ACBD7: variants seen among roughly 807,000 people sequenced by gnomAD.
The protein encoded by ACBD7 is acyl-CoA binding domain containing 7.
ACBD7 carries 11 observed loss-of-function variants against 13.7 expected under a neutral mutation model. That is an observed-to-expected ratio of 0.80 (90% CI 0.50 to 1.33). ACBD7 has a LOEUF of 1.33. Ranked by LOEUF, ACBD7 falls within the 40% of genes most tolerant of loss-of-function variation. The pLI, the probability that ACBD7 is intolerant of heterozygous loss-of-function variation, is 0.00. For missense variants in ACBD7, 111 were observed against 103.0 expected, an observed-to-expected ratio of 1.08 and a Z score of -0.33; for synonymous variants, 43 against 37.7, an observed-to-expected ratio of 1.14 and a Z score of -0.51.
rs1844690346 is a variant in ACBD7 at position 15,077,059 on chromosome 10, A to G, written c.*1471T>C. 1 of 413,346 alleles carries G rather than the reference A, an allele frequency of 2.4e-6. No individual in the cohort carries two copies. Among genetic ancestry groups the G allele is most frequent in the Admixed American group, 6.4e-5 (1 of 15,574 alleles). The allele number at this position is 413,346 out of a possible 1,614,324, so 25.6% of individuals were successfully genotyped here. ...TCATGGAACTAAAAATAGAACTACCATTCTACCCAGCAATCCCACTACTGG... is the reference window on the plus strand; with the variant it reads ...TCATGGAACTAAAAATAGAACTACCGTTCTACCCAGCAATCCCACTACTGG... On this transcript the variant is annotated 3_prime_UTR_variant, in exon 4 of 4. Coordinates refer to ENST00000356189, the MANE Select transcript of ACBD7 (RefSeq NM_001039844.3).
In ACBD7 at chr10:15,079,026, C is replaced by G. The variant is rs1450424017; in HGVS notation, c.27G>C (p.Arg9Ser). MALQADFD[R>S]AAEDVRKLKA... ...TCAGCTTCCTCACATCTTCTGCAGC[C>G]CTGTCAAAATCAGCCTAAAGGAAGA... Residue 9 changes from arginine to serine, a missense_variant, in exon 2 of 4, where the codon AGG (arginine) becomes AGC (serine). Arg to Ser is a moderately radical substitution (Grantham distance 110, BLOSUM62 -1). Transcript: ENST00000356189. 4 of 1,607,348 alleles carry G rather than the reference C, an allele frequency of 2.5e-6. No individual in the cohort carries two copies. In the East Asian group the frequency reaches 9.0e-5, roughly 36 times the overall value.
rs1844697456 is a variant in ACBD7, at chr10:15,077,542, C to T, written c.*988G>A. ...ATGTACAGTATTTTGGTGATGGTTA[C>T]ACTAAAAGCCCAGATTTCCCCACTA... is the stretch of plus-strand genomic sequence containing the variant. On this transcript the variant is annotated 3_prime_UTR_variant, in exon 4 of 4. Coordinates refer to ENST00000356189, the MANE Select transcript of ACBD7 (RefSeq NM_001039844.3). 6.6e-6 allele frequency: 1 copy of T among 151,984 alleles called. No individual in the cohort carries two copies. Among genetic ancestry groups the T allele is most frequent in the African/African-American group, 2.4e-5 (1 of 41,372 alleles). 9.4% of individuals were successfully genotyped at this position (151,984 alleles called of 1,614,324 possible). A position where few individuals can be genotyped will look rare whatever the true frequency, so the allele number is the denominator to read the frequency against.
Position 15,076,223 on chromosome 10 carries a change from C to G in ACBD7, c.*2307G>C. On this transcript the variant is annotated 3_prime_UTR_variant, in exon 4 of 4. Transcript: ENST00000356189. ...TTGGGGGATATTTATCTTAAGGGAT[C>G]TCAAACAATTTTTTGAATTGTTAAC... 1.0e-6 allele frequency: 1 copy of G among 985,222 alleles called. No individual in the cohort carries two copies. Among genetic ancestry groups the G allele is most frequent in the Non-Finnish European group, 1.2e-6 (1 of 829,906 alleles). 61.0% of individuals were successfully genotyped at this position (985,222 alleles called of 1,614,324 possible).
At position 15,076,379 on chromosome 10, in the gene ACBD7, A is replaced by G; in HGVS notation, c.*2151T>C. 1.0e-6 allele frequency: 1 copy of G among 985,252 alleles called. No homozygotes were observed. Among genetic ancestry groups the G allele is most frequent in the Non-Finnish European group, 1.2e-6 (1 of 829,788 alleles). 61.0% of individuals were successfully genotyped at this position (985,252 alleles called of 1,614,324 possible). A position where few individuals can be genotyped will look rare whatever the true frequency, so the allele number is the denominator to read the frequency against. ...ATGGGGTACAGTAGTGGTACAGTTT[A>G]TCACTAGATACATTTTAGTTTGCCT... On this transcript the variant is annotated 3_prime_UTR_variant, in exon 4 of 4. Transcript: ENST00000356189.
rs779171936 is a variant in ACBD7 at position 15,078,603 on chromosome 10, C to T, written c.194G>A (p.Gly65Glu). Residue 65 changes from glycine (G) to glutamate (E), a missense_variant and splice_region_variant, in exon 4 of 4, where the codon GGG becomes GAG. Coordinates refer to ENST00000356189, the MANE Select transcript of ACBD7 (RefSeq NM_001039844.3). ...ACTCGTCGCATCTTCCGTCGACAACCCTAGAAAGATACAAACAGGTTATCT... is the reference window on the plus strand; with the variant it reads ...ACTCGTCGCATCTTCCGTCGACAACTCTAGAAAGATACAAACAGGTTATCT... ...AKWEAWNLKK[G>E]LSTEDATSAY... 1.4e-4 allele frequency: 220 copies of T among 1,613,918 alleles called. No individual in the cohort carries two copies. Among genetic ancestry groups the T allele is most frequent in the Non-Finnish European group, 1.8e-4 (213 of 1,180,018 alleles).
chr10:15,078,690 C>G lies in ACBD7; in HGVS notation c.193+1G>C. On this transcript the variant is annotated splice_donor_variant, in intron 3 of 3. Coordinates refer to ENST00000356189, the MANE Select transcript of ACBD7 (RefSeq NM_001039844.3). LOFTEE classifies it high-confidence loss of function. The stretch of plus-strand genomic sequence containing the variant: ...TTTAAACTTGTGAAAGACTAAAAAA[C>G]CTTTTTTGAGGTTCCATGCTTCCCA... The G allele has an allele frequency of 6.2e-7, 1 of 1,614,034 alleles. No homozygotes were observed. Among genetic ancestry groups the G allele is most frequent in the Non-Finnish European group, 8.5e-7 (1 of 1,180,000 alleles).
rs2131391809 is a variant in ACBD7 at position 15,078,099 on chromosome 10, C to T, written c.*431G>A. 5.6e-6 allele frequency: 1 copy of T among 178,146 alleles called. No individual in the cohort carries two copies. Among genetic ancestry groups the T allele is most frequent in the Non-Finnish European group, 1.2e-5 (1 of 83,428 alleles). The allele number at this position is 178,146 out of a possible 1,614,324, so 11.0% of individuals were successfully genotyped here. The stretch of plus-strand genomic sequence containing the variant: ...CCTAATGTTATCCCTCCCCTAACCC[C>T]CTAGTCCCCGACAGGCCCCAGTGTG... On this transcript the variant is annotated 3_prime_UTR_variant, in exon 4 of 4. Coordinates refer to ENST00000356189, the MANE Select transcript of ACBD7 (RefSeq NM_001039844.3).
chr10:15,080,012 C>T (rs550409382), intron 1 of ACBD7, among the ~76,000 whole-genome samples: 5 of 151,860 alleles, frequency 3.3e-5, no homozygotes, highest in African/African-American at 1.2e-4. Context: ...TTAATACCAT[C>T]GTCTAGGGCG....
At position 15,077,490 on chromosome 10, in the gene ACBD7, G is replaced by C. The variant is rs1844696843; in HGVS notation, c.*1040C>G. On this transcript the variant is annotated 3_prime_UTR_variant, in exon 4 of 4. Coordinates refer to ENST00000356189, the MANE Select transcript of ACBD7 (RefSeq NM_001039844.3). ...GGCTTGGAAAGGTGGGAGGGGGTGA[G>C]GGATGAGCAATTACCTTTTGGGTAC... 6.6e-6 allele frequency: 1 copy of C among 152,148 alleles called. No homozygotes were observed. Among genetic ancestry groups the C allele is most frequent in the African/African-American group, 2.4e-5 (1 of 41,422 alleles). The allele number at this position is 152,148 out of a possible 1,614,324, so 9.4% of individuals were successfully genotyped here. A position where few individuals can be genotyped will look rare whatever the true frequency, so the allele number is the denominator to read the frequency against.
At chr10:15,081,507 G>C (rs935843676) in intron 1 of ACBD7, among the ~76,000 whole-genome samples, 2 of 152,224 alleles carry the variant, frequency 1.3e-5, no homozygotes, top group Admixed American at 1.3e-4. Context: ...CATCACTTAA[G>C]GTTTTAGATG....
intron 1 of ACBD7, among the ~76,000 whole-genome samples, chr10:15,086,124 A>G (rs1844805511): frequency 6.6e-6 from 1 of 152,126 alleles, no homozygotes; most frequent in Admixed American, 6.6e-5. Flanking sequence ...CCTGGCCAAC[A>G]TGGTGAAACC....
rs560263678 is a variant in ACBD7, at chr10:15,086,429, C to A, written c.12+2288G>T. On this transcript the variant is annotated intron_variant, in intron 1 of 3. Coordinates refer to ENST00000356189, the MANE Select transcript of ACBD7 (RefSeq NM_001039844.3). ...TGCTTTTCTGTGATGTTCCTCAACT[C>A]TTAATTCCTCGTTGCAAGTATTTTA... Among the ~76,000 whole-genome samples, 33 of 152,306 alleles carry A rather than the reference C, an allele frequency of 2.2e-4. 1 individual carries two copies. In the Middle Eastern group the frequency reaches 0.014, roughly 63 times the overall value.
intron 1 of ACBD7, 34 bp downstream of exon 1, chr10:15,088,683 C>A (rs770282573): frequency 6.3e-7 from 1 of 1,593,264 alleles, no homozygotes; most frequent in Non-Finnish European, 8.5e-7. Context: ...TCGCGGAGCG[C>A]CCCTCCCGCG....
chr10:15,081,298 G>T (rs1210669378), intron 1 of ACBD7, among the ~76,000 whole-genome samples: 1 of 152,010 alleles, frequency 6.6e-6, no homozygotes, highest in African/African-American at 2.4e-5. Context: ...GATAATGAAG[G>T]AATTCTTAAC....
In ACBD7 at chr10:15,077,086, T is replaced by TAGA; in HGVS notation, c.*1443_*1444insTCT. 1.3e-5 allele frequency: 3 copies of TAGA among 236,004 alleles called. No individual in the cohort carries two copies. Among genetic ancestry groups the TAGA allele is most frequent in the Non-Finnish European group, 1.4e-5 (2 of 144,870 alleles). The allele number at this position is 236,004 out of a possible 1,614,324, so 14.6% of individuals were successfully genotyped here. A position where few individuals can be genotyped will look rare whatever the true frequency, so the allele number is the denominator to read the frequency against. On this transcript the variant is annotated 3_prime_UTR_variant, in exon 4 of 4. Coordinates refer to ENST00000356189, the MANE Select transcript of ACBD7 (RefSeq NM_001039844.3). ...TCTACCCAGCAATCCCACTACTGGG[T>TAGA]ATCTTCTTAAAGGAAAATAAATCAT...
At position 15,076,090 on chromosome 10, in the gene ACBD7, T is replaced by C. The variant is rs1020536267; in HGVS notation, c.*2440A>G. 1.6e-5 allele frequency: 16 copies of C among 983,688 alleles called. No homozygotes were observed. The African/African-American group carries it at 2.4e-4, about 15-fold the overall frequency. The allele number at this position is 983,688 out of a possible 1,614,324, so 60.9% of individuals were successfully genotyped here. A position where few individuals can be genotyped will look rare whatever the true frequency, so the allele number is the denominator to read the frequency against. Reference sequence around the variant, plus strand: ...CAGCATAATTCCCTGGAAATTCATCTAGCAGACCTAGATAGTTTTGTTGTT... The same window carrying C: ...CAGCATAATTCCCTGGAAATTCATCCAGCAGACCTAGATAGTTTTGTTGTT... On this transcript the variant is annotated 3_prime_UTR_variant, in exon 4 of 4. Transcript: ENST00000356189.
rs1343725065 is a variant in ACBD7 at position 15,078,259 on chromosome 10, G to A, written c.*271C>T. On this transcript the variant is annotated 3_prime_UTR_variant, in exon 4 of 4. Transcript: ENST00000356189. ...CCAGCTTCATCCATGTCCCTGCAAA[G>A]GACATGAACTCATCCCTTTTTATGG... 1.7e-5 allele frequency: 16 copies of A among 967,218 alleles called. No homozygotes were observed. The highest frequency in any genetic ancestry group is 2.1e-5 in the Non-Finnish European group (16 of 745,558). The allele number at this position is 967,218 out of a possible 1,614,324, so 59.9% of individuals were successfully genotyped here. A position where few individuals can be genotyped will look rare whatever the true frequency, so the allele number is the denominator to read the frequency against.
intron 1 of ACBD7, among the ~76,000 whole-genome samples, chr10:15,079,862 C>T (rs559519621): frequency 5.8e-4 from 88 of 151,314 alleles, no homozygotes; most frequent in African/African-American, 2.1e-3. Context: ...CAGGTGTGAG[C>T]CACCGTGCCC....
intron 1 of ACBD7, among the ~76,000 whole-genome samples, chr10:15,082,572 G>A (rs1245182618): frequency 6.6e-5 from 10 of 152,182 alleles, no homozygotes; most frequent in African/African-American, 9.7e-5. Flanking sequence ...ATGAGTGGCT[G>A]AGCTGCTTGA....
Sources: allele counts gnomAD v4.1 joint callset (sites outside exome capture counted in the v4.1 genomes callset), GRCh38; gene constraint gnomAD v4.1.1; transcripts MANE v1.5; gene names NCBI Gene and HGNC (gene_info 2026-07-23, HGNC 2026-07-21).